Variants in RARB observed in about 807,000 individuals in gnomAD.
The protein encoded by RARB is HBV-activated protein.
RARB carries 17 observed loss-of-function variants against 51.9 expected under a neutral mutation model. That is an observed-to-expected ratio of 0.33 (90% CI 0.22 to 0.49). The LOEUF (loss-of-function observed/expected upper bound fraction) is 0.49, where lower values mean the gene tolerates loss of function less well. RARB is among the 20% of genes least tolerant of loss of function. The pLI, the probability that RARB is intolerant of heterozygous loss-of-function variation, is 0.99. For missense variants in RARB, 369 were observed against 550.8 expected, an observed-to-expected ratio of 0.67 and a Z score of 3.30; for synonymous variants, 215 against 195.4, an observed-to-expected ratio of 1.10 and a Z score of -0.84.
intron 5 of RARB, among the ~76,000 whole-genome samples, chr3:25,585,297 C>G (rs143210245): frequency 6.6e-6 from 1 of 152,222 alleles, no homozygotes; most frequent in African/African-American, 2.4e-5. Flanking sequence ...CTGTTATTGT[C>G]CACATTTTGC....
chr3:25,273,827 C>G (rs896055583), intron 5 of RARB, among the ~76,000 whole-genome samples: 1 of 152,212 alleles, frequency 6.6e-6, no homozygotes, highest in African/African-American at 2.4e-5. Context: ...AACCCACCAC[C>G]TAACATCAAG....
At chr3:25,377,971 A>G (rs1383084026) in intron 5 of RARB, among the ~76,000 whole-genome samples, 1 of 152,210 alleles carries the variant, frequency 6.6e-6, no homozygotes, top group African/African-American at 2.4e-5. Context: ...TTTTAAATTC[A>G]AAAATATTTG....
intron 5 of RARB, among the ~76,000 whole-genome samples, chr3:25,405,063 T>C (rs1055106099): frequency 2.6e-5 from 4 of 152,182 alleles, no homozygotes; most frequent in Non-Finnish European, 5.9e-5. Flanking sequence ...CATTTGCAGG[T>C]TTCATGTCTC....
At position 25,051,571 on chromosome 3, in the gene RARB, C is replaced by G. The variant is rs138176692; in HGVS notation, c.-379-8554C>G. On this transcript the variant is annotated intron_variant, in intron 2 of 11. Transcript: ENST00000383772. Reference sequence around the variant, plus strand: ...TTTATTGTTAATAGAGCTTCGTTACCTACATGTATAAAAATAAGACTACAC... The same window carrying G: ...TTTATTGTTAATAGAGCTTCGTTACGTACATGTATAAAAATAAGACTACAC... Among the ~76,000 whole-genome samples the G allele has an allele frequency of 5.7e-3, 814 of 142,356 alleles. 3 individuals carry two copies. Among genetic ancestry groups the G allele is most frequent in the Middle Eastern group, 0.015 (4 of 274 alleles). 93.4% of individuals were successfully genotyped at this position (142,356 alleles called of 152,430 possible).
At chr3:24,900,208 T>A (rs1296012751) in intron 2 of RARB, among the ~76,000 whole-genome samples, 1 of 152,130 alleles carries the variant, frequency 6.6e-6, no homozygotes, top group East Asian at 1.9e-4. Flanking sequence ...AAATGGAAAA[T>A]GTCTGCAGCG....
chr3:25,070,721 G>A (rs1291200682), intron 3 of RARB, among the ~76,000 whole-genome samples: 1 of 152,148 alleles, frequency 6.6e-6, no homozygotes, highest in Non-Finnish European at 1.5e-5. Flanking sequence ...AAAGTTCAAG[G>A]TAAAGCCTGT....
At chr3:25,504,687 T>C (rs1454203843) in intron 3 of RARB, among the ~76,000 whole-genome samples, 1 of 151,602 alleles carries the variant, frequency 6.6e-6, no homozygotes, top group East Asian at 1.9e-4. Flanking sequence ...AAAAGAAGGA[T>C]AAAACTGAGA....
intron 5 of RARB, among the ~76,000 whole-genome samples, chr3:25,325,007 G>T (rs773352176): frequency 7.2e-5 from 11 of 152,228 alleles, no homozygotes; most frequent in Non-Finnish European, 1.5e-4. Flanking sequence ...TTATTAGGAA[G>T]TGAAGAAACA....
intron 2 of RARB, among the ~76,000 whole-genome samples, chr3:25,018,601 C>T (rs750919702): frequency 2.6e-5 from 4 of 152,018 alleles, no homozygotes; most frequent in Admixed American, 6.6e-5. Context: ...ATCTTGAAAC[C>T]GAGCCCATAT....
intron 5 of RARB, among the ~76,000 whole-genome samples, chr3:25,585,833 T>G (rs1173306667): frequency 6.6e-5 from 10 of 152,154 alleles, no homozygotes; most frequent in Admixed American, 6.5e-4. Context: ...GAAGTGACTT[T>G]CCCCAGGTCG....
At chr3:24,855,271 T>C (rs943686878) in intron 1 of RARB, among the ~76,000 whole-genome samples, 1 of 152,126 alleles carries the variant, frequency 6.6e-6, no homozygotes, top group African/African-American at 2.4e-5. Context: ...GAAGAATACT[T>C]TGGACATAGA....
At chr3:25,073,498 T>C (rs1036474863) in intron 3 of RARB, among the ~76,000 whole-genome samples, 1 of 152,210 alleles carries the variant, frequency 6.6e-6, no homozygotes, top group Non-Finnish European at 1.5e-5. Context: ...GGTTAAACAG[T>C]TAGTTAGGTT....
At chr3:25,360,748 G>A (rs958001706) in intron 5 of RARB, among the ~76,000 whole-genome samples, 1 of 152,006 alleles carries the variant, frequency 6.6e-6, no homozygotes, top group South Asian at 2.1e-4. Flanking sequence ...AGCTTAGTTT[G>A]GCTGGATATG....
At chr3:25,091,485 C>T (rs1419644761) in intron 3 of RARB, among the ~76,000 whole-genome samples, 4 of 152,134 alleles carry the variant, frequency 2.6e-5, no homozygotes, top group East Asian at 1.9e-4. Flanking sequence ...CACTGGACAG[C>T]TCGTTGCTTT....
intron 5 of RARB, among the ~76,000 whole-genome samples, chr3:25,238,458 T>G (rs1209853426): frequency 1.3e-5 from 2 of 152,204 alleles, no homozygotes; most frequent in African/African-American, 4.8e-5. Context: ...TGAATAGTGC[T>G]GCAGTAAACA....
chr3:25,118,243 C>T (rs574651201), intron 3 of RARB, among the ~76,000 whole-genome samples: 1 of 152,194 alleles, frequency 6.6e-6, no homozygotes, highest in South Asian at 2.1e-4. Flanking sequence ...CCAATATGGA[C>T]CAGTACATCT....
Position 25,145,275 on chromosome 3 carries a change from C to T in RARB, c.-280+13067C>T, listed in dbSNP as rs528082928. Among the ~76,000 whole-genome samples, 11 of 152,304 alleles carry T rather than the reference C, an allele frequency of 7.2e-5. 1 individual carries two copies. The highest frequency in any genetic ancestry group is 3.9e-4 in the Admixed American group (6 of 15,300). On this transcript the variant is annotated intron_variant, in intron 4 of 11. Transcript: ENST00000383772. ...TCCCTGTTCCCTTGACAGAAAGCCA[C>T]GGCAATGGTGGTTCCAGAATAATGT...
chr3:25,574,418 TCTC>T (rs1425171105), intron 4 of RARB, among the ~76,000 whole-genome samples: 2 of 152,180 alleles, frequency 1.3e-5, no homozygotes, highest in Non-Finnish European at 2.9e-5. Context: ...AATGTGCAGC[TCTC>T]CTCCTCTCCA....
At chr3:24,896,174 C>A (rs935759684) in intron 2 of RARB, among the ~76,000 whole-genome samples, 14 of 152,070 alleles carry the variant, frequency 9.2e-5, no homozygotes, top group African/African-American at 2.9e-4. Context: ...TCCTTAGAGA[C>A]AAAGTTGAAT....
Sources: gnomAD v4.1 joint callset for allele counts (sites outside exome capture counted in the v4.1 genomes callset) on GRCh38, gnomAD v4.1.1 for gene constraint, MANE v1.5 for transcripts, NCBI Gene and HGNC (gene_info 2026-07-23, HGNC 2026-07-21) for gene names.